The following IL1RAPL2 variants were observed in gnomAD, a reference collection of about 807,000 sequenced individuals.
IL1RAPL2 encodes the protein X-linked interleukin-1 receptor accessory protein-like 2.
IL1RAPL2 carries 3 observed loss-of-function variants against 44.1 expected under a neutral mutation model. That is an observed-to-expected ratio of 0.07 (90% confidence interval 0.03 to 0.18). IL1RAPL2 has a LOEUF of 0.18. IL1RAPL2 is among the 10% of genes least tolerant of loss of function. IL1RAPL2 has a pLI of 1.00. For missense variants in IL1RAPL2, 391 were observed against 496.4 expected, an observed-to-expected ratio of 0.79 and a Z score of 2.02; for synonymous variants, 181 against 178.8, an observed-to-expected ratio of 1.01 and a Z score of -0.10.
intron 2 of IL1RAPL2, among the ~76,000 whole-genome samples, chrX:104,841,978 C>T (rs777646823): frequency 9.0e-6 from 1 of 110,647 alleles, no homozygotes; most frequent in South Asian, 3.9e-4. Context: ...TATCCTGAAG[C>T]ATGTTTTCCA....
chrX:105,503,859 C>A (rs1007813217), intron 6 of IL1RAPL2, among the ~76,000 whole-genome samples: 1 of 111,693 alleles, frequency 9.0e-6, no homozygotes, highest in African/African-American at 3.2e-5. Context: ...CATCACATGG[C>A]ATTTTCTCCT....
intron 2 of IL1RAPL2, among the ~76,000 whole-genome samples, chrX:105,029,640 C>T (rs886443715): frequency 1.0e-3 from 109 of 109,406 alleles, no homozygotes; most frequent in African/African-American, 3.5e-3. Flanking sequence ...TTTTCTTAAT[C>T]CTGTCTATCA....
chrX:105,423,019 C>G (rs1011302080), intron 5 of IL1RAPL2, among the ~76,000 whole-genome samples: 35 of 110,609 alleles, frequency 3.2e-4, no homozygotes, highest in Non-Finnish European at 3.8e-4. Flanking sequence ...TTGTTGCACA[C>G]AAAAAATTAT....
intron 7 of IL1RAPL2, among the ~76,000 whole-genome samples, chrX:105,719,938 A>C (rs2038288828): frequency 8.9e-6 from 1 of 111,753 alleles, no homozygotes; most frequent in Non-Finnish European, 1.9e-5. Context: ...TTCATTTTAA[A>C]TTGTTATAGA....
intron 5 of IL1RAPL2, among the ~76,000 whole-genome samples, chrX:105,305,829 A>C (rs901245825): frequency 6.3e-5 from 7 of 111,977 alleles, no homozygotes; most frequent in African/African-American, 2.3e-4. Context: ...TGTAAGGGAC[A>C]TCTGCTCGGG....
At chrX:104,978,654 A>C (rs2030381162) in intron 2 of IL1RAPL2, among the ~76,000 whole-genome samples, 1 of 111,826 alleles carries the variant, frequency 8.9e-6, no homozygotes, top group Non-Finnish European at 1.9e-5. Context: ...ATGTCATTAT[A>C]TACCTGGAAA....
chrX:104,851,497 G>T (rs776567067), intron 2 of IL1RAPL2, among the ~76,000 whole-genome samples: 6 of 111,296 alleles, frequency 5.4e-5, no homozygotes, highest in Non-Finnish European at 1.1e-4. Context: ...ATCAGATCTG[G>T]AATAAAGTAA....
chrX:104,676,055 T>C (rs1320658565), intron 2 of IL1RAPL2, among the ~76,000 whole-genome samples: 5 of 108,550 alleles, frequency 4.6e-5, no homozygotes, highest in South Asian at 4.1e-4. Context: ...CTTTATCCAA[T>C]TTGCCAGTCT....
At chrX:105,663,623 G>A (rs1330774394) in intron 6 of IL1RAPL2, among the ~76,000 whole-genome samples, 1 of 111,669 alleles carries the variant, frequency 9.0e-6, no homozygotes, top group Non-Finnish European at 1.9e-5. Flanking sequence ...GTGACCTCTG[G>A]TGTTATTCAT....
At chrX:105,295,886 TGTC>T (rs2034651285) in intron 5 of IL1RAPL2, among the ~76,000 whole-genome samples, 1 of 111,257 alleles carries the variant, frequency 9.0e-6, no homozygotes, top group Non-Finnish European at 1.9e-5. Flanking sequence ...TAGTTCAGGA[TGTC>T]TTTACCTTTT....
At chrX:105,520,130 G>A (rs758525404) in intron 6 of IL1RAPL2, among the ~76,000 whole-genome samples, 1 of 111,746 alleles carries the variant, frequency 8.9e-6, no homozygotes, top group South Asian at 3.7e-4. Flanking sequence ...TGATAAGAAC[G>A]GCTCAAGTTG....
At chrX:105,297,544 A>G (rs2034662949) in intron 5 of IL1RAPL2, among the ~76,000 whole-genome samples, 1 of 110,531 alleles carries the variant, frequency 9.0e-6, no homozygotes, top group African/African-American at 3.3e-5. Flanking sequence ...CTTTCTTCAC[A>G]AAGCAGCAAG....
At chrX:105,696,019 A>G (rs771552313) in intron 6 of IL1RAPL2, among the ~76,000 whole-genome samples, 3 of 111,945 alleles carry the variant, frequency 2.7e-5, no homozygotes, top group South Asian at 7.4e-4. Context: ...TTCTCTCCCA[A>G]TCCTTTTAAT....
At chrX:105,471,073 C>T (rs1430635877) in intron 5 of IL1RAPL2, among the ~76,000 whole-genome samples, 3 of 112,146 alleles carry the variant, frequency 2.7e-5, no homozygotes, top group Non-Finnish European at 5.6e-5. Flanking sequence ...ATATACAGCT[C>T]GATGTTCTCT....
At chrX:105,428,386 T>C (rs1216567124) in intron 5 of IL1RAPL2, among the ~76,000 whole-genome samples, 3 of 111,554 alleles carry the variant, frequency 2.7e-5, no homozygotes, top group Non-Finnish European at 5.7e-5. Flanking sequence ...GACTTTATAC[T>C]TCGTCCAAAT....
At chrX:105,106,002 G>A (rs1358681320) in intron 2 of IL1RAPL2, among the ~76,000 whole-genome samples, 1 of 111,347 alleles carries the variant, frequency 9.0e-6, no homozygotes, top group Non-Finnish European at 1.9e-5. Flanking sequence ...TATAAAGACA[G>A]GTAGGCAGAA....
intron 2 of IL1RAPL2, among the ~76,000 whole-genome samples, chrX:105,014,042 G>A (rs1188192456): frequency 8.9e-6 from 1 of 111,899 alleles, no homozygotes; most frequent in Admixed American, 9.5e-5. Flanking sequence ...GAATGTGGAT[G>A]GCTTATGATT....
intron 5 of IL1RAPL2, among the ~76,000 whole-genome samples, chrX:105,393,894 G>A (rs1364630733): frequency 1.8e-5 from 2 of 112,186 alleles, no homozygotes; most frequent in African/African-American, 6.5e-5. Context: ...TATTTCATAA[G>A]TGAGGAAACT....
intron 6 of IL1RAPL2, among the ~76,000 whole-genome samples, chrX:105,642,868 T>C (rs2037578892): frequency 8.9e-6 from 1 of 112,994 alleles, no homozygotes; most frequent in South Asian, 3.6e-4. Context: ...GCCAGTTTTC[T>C]TCTTACTATG....
Sources: allele counts gnomAD v4.1 joint callset (sites outside exome capture counted in the v4.1 genomes callset), GRCh38; gene constraint gnomAD v4.1.1; transcripts MANE v1.5; gene names NCBI Gene and HGNC (gene_info 2026-07-23, HGNC 2026-07-21).